RAP1B: variants seen among roughly 807,000 people sequenced by gnomAD.
RAP1B encodes ras-related protein Rap-1b.
RAP1B carries 1 observed loss-of-function variant against 27.5 expected under a neutral mutation model. The observed-to-expected ratio is 0.04, with a 90% CI of 0.01 to 0.17. RAP1B has a LOEUF of 0.17. RAP1B is among the 10% of genes least tolerant of loss of function. The pLI is 1.00. For synonymous variants in RAP1B, 75 were observed against 73.1 expected (o/e 1.03, Z -0.13); for missense variants, 84 against 214.8 (o/e 0.39, Z 3.81).
At chr12:68,639,646 C>T (rs1361861704) in intron 1 of RAP1B, among the ~76,000 whole-genome samples, 1 of 152,076 alleles carries the variant, frequency 6.6e-6, no homozygotes, top group Non-Finnish European at 1.5e-5. Flanking sequence ...ACATATCCTC[C>T]TCTAAAGAGC....
rs564883982 is a variant in RAP1B at position 68,669,912 on chromosome 12, C to CA, written c.*10668dup. On this transcript the variant is annotated 3_prime_UTR_variant, in exon 8 of 8. Transcript: ENST00000250559. ...TCCAGTATATGACGTTTATACGTGACAAAAATATATTTCTTTTTCTTTCTT... is the reference window on the plus strand; with the variant it reads ...TCCAGTATATGACGTTTATACGTGACAAAAAATATATTTCTTTTTCTTTCTT... 6.9e-6 allele frequency: 1 copy of CA among 144,682 alleles called. No individual in the cohort carries two copies. The highest frequency in any genetic ancestry group is 1.5e-5 in the Non-Finnish European group (1 of 66,424). The allele number at this position is 144,682 out of a possible 1,614,324, so 9.0% of individuals were successfully genotyped here.
rs1874827330 is a variant in RAP1B at position 68,665,888 on chromosome 12, C to T, written c.*6639C>T. ...TTTTTTTTTTTGAGAGAGTCTGGCT[C>T]TGTCACCCAGGCTGGTGTGCAGTGG... On this transcript the variant is annotated 3_prime_UTR_variant, in exon 8 of 8. Transcript: ENST00000250559. 3 of 150,120 alleles carry T rather than the reference C, an allele frequency of 2.0e-5. No homozygotes were observed. Among genetic ancestry groups the T allele is most frequent in the Admixed American group, 2.0e-4 (3 of 15,074 alleles). 9.3% of individuals were successfully genotyped at this position (150,120 alleles called of 1,614,324 possible).
intron 4 of RAP1B, among the ~76,000 whole-genome samples, chr12:68,653,066 A>G (rs929521664): frequency 1.3e-5 from 2 of 150,386 alleles, no homozygotes; most frequent in Non-Finnish European, 3.0e-5. Context: ...AAAATTAGCC[A>G]GGTGCAGTGG....
chr12:68,634,997 T>G (rs1257092905), intron 1 of RAP1B, among the ~76,000 whole-genome samples: 1 of 152,176 alleles, frequency 6.6e-6, no homozygotes, highest in Admixed American at 6.5e-5. Context: ...ATCTACAAAT[T>G]TTGCACTTTC....
rs1037180809 is a variant in RAP1B at position 68,665,406 on chromosome 12, A to C, written c.*6157A>C. On this transcript the variant is annotated 3_prime_UTR_variant, in exon 8 of 8. Transcript: ENST00000250559. ...GAGTTACTGACATTGGAGGCAACTG[A>C]AACCATGAGTGTGAATGAAATTATT... is the stretch of plus-strand genomic sequence containing the variant. The C allele has an allele frequency of 6.6e-6, 1 of 152,256 alleles. No homozygotes were observed. The highest frequency in any genetic ancestry group is 2.4e-5 in the African/African-American group (1 of 41,462). The allele number at this position is 152,256 out of a possible 1,614,324, so 9.4% of individuals were successfully genotyped here.
chr12:68,637,599 C>CAAAAAAAAAAAAAAAAAAAAAAA (rs58656248), intron 1 of RAP1B, among the ~76,000 whole-genome samples: 1 of 34,234 alleles, frequency 2.9e-5, no homozygotes, highest in Non-Finnish European at 4.6e-5. Context: ...AACTCCATCT[C>CAAAAAAAAAAAAAAAAAAAAAAA]AAAAAAAAAA....
intron 1 of RAP1B, chr12:68,642,623 A>G (rs1261777892): frequency 7.7e-6 from 8 of 1,034,430 alleles, no homozygotes; most frequent in Non-Finnish European, 1.5e-6. Flanking sequence ...ATCAAATGGA[A>G]TTAAGTTCTT....
chr12:68,657,426 A>G, intron 7 of RAP1B: 1 of 327,768 alleles, frequency 3.1e-6, no homozygotes, highest in South Asian at 5.4e-5. Context: ...TTTTTTTGAG[A>G]TGGAGTTTCA....
chr12:68,622,811 A>G (rs1459702159), intron 1 of RAP1B, among the ~76,000 whole-genome samples: 2 of 152,220 alleles, frequency 1.3e-5, no homozygotes, highest in Non-Finnish European at 2.9e-5. Context: ...TACATAAAGT[A>G]TGTAACGGTT....
chr12:68,650,260 A>C, intron 2 of RAP1B, 140 bp from the exon 3 acceptor site: 2 of 665,682 alleles, frequency 3.0e-6, no homozygotes, highest in Non-Finnish European at 2.3e-6. Flanking sequence ...CCAAATGTAC[A>C]CATTCGAATG....
At chr12:68,613,389 TAAAAAAAAA>T (rs34380580) in intron 1 of RAP1B, among the ~76,000 whole-genome samples, 1 of 123,370 alleles carries the variant, frequency 8.1e-6, no homozygotes, top group Non-Finnish European at 1.7e-5. Flanking sequence ...AGACCTGTCT[TAAAAAAAAA>T]AAAAAAAAAA....
chr12:68,657,038 C>T, intron 6 of RAP1B, 63 bp from the exon 7 acceptor site: 2 of 1,357,784 alleles, frequency 1.5e-6, no homozygotes, highest in Admixed American at 3.9e-5. Flanking sequence ...TTTCAATTTA[C>T]TTTTTTCATT....
At position 68,659,856 on chromosome 12, in the gene RAP1B, A is replaced by G. The variant is rs1874501600; in HGVS notation, c.*607A>G. 6.6e-6 allele frequency: 1 copy of G among 152,366 alleles called. No homozygotes were observed. The highest frequency in any genetic ancestry group is 2.4e-5 in the African/African-American group (1 of 41,328). The allele number at this position is 152,366 out of a possible 1,614,324, so 9.4% of individuals were successfully genotyped here. A position where few individuals can be genotyped will look rare whatever the true frequency, so the allele number is the denominator to read the frequency against. On this transcript the variant is annotated 3_prime_UTR_variant, in exon 8 of 8. Transcript: ENST00000250559. ...TTTAAAACATGATAGTCCTTTCAGT[A>G]TAATGTCTTAGATTAAAGACGTTGC... is the stretch of plus-strand genomic sequence containing the variant.
intron 1 of RAP1B, among the ~76,000 whole-genome samples, chr12:68,619,600 A>G (rs1565656639): frequency 6.6e-6 from 1 of 152,250 alleles, no homozygotes; most frequent in South Asian, 2.1e-4. Context: ...ACCAGTATCC[A>G]GATTTATCTG....
chr12:68,654,146 A>G lies in RAP1B; in HGVS notation c.218A>G (p.Lys73Arg). ...QFTAMRDLYMKNGQGFALVYS... is the reference protein window; with the variant it reads ...QFTAMRDLYMRNGQGFALVYS... ...ACAGCAATGAGGGATTTATACATGA[A>G]AAATGGACAAGGATTTGCATTAGTT... Residue 73 changes from lysine to arginine, a missense_variant, in exon 5 of 8, where the codon AAA (lysine) becomes AGA (arginine). Physicochemically the swap from Lys to Arg is conservative, Grantham distance 26. Transcript: ENST00000250559. The G allele has an allele frequency of 4.4e-6, 7 of 1,599,828 alleles. No homozygotes were observed. The highest frequency in any genetic ancestry group is 6.0e-6 in the Non-Finnish European group (7 of 1,167,390).
Position 68,660,800 on chromosome 12 carries a change from T to A in RAP1B, c.*1551T>A, listed in dbSNP as rs1043532758. The stretch of plus-strand genomic sequence containing the variant: ...TACGAATAAATGCCTTTGGGTAATG[T>A]TCAGTAGCTATTTGATGAGGTAGGT... On this transcript the variant is annotated 3_prime_UTR_variant, in exon 8 of 8. Transcript: ENST00000250559. 8 of 152,232 alleles carry A rather than the reference T, an allele frequency of 5.3e-5. No individual in the cohort carries two copies. The highest frequency in any genetic ancestry group is 1.0e-4 in the Non-Finnish European group (7 of 68,032). 9.4% of individuals were successfully genotyped at this position (152,232 alleles called of 1,614,324 possible).
chr12:68,651,781 A>G, intron 3 of RAP1B: 1 of 512,334 alleles, frequency 2.0e-6, no homozygotes, highest in South Asian at 2.9e-5. Flanking sequence ...ACTTGAGAAC[A>G]CATGGCTTTT....
At chr12:68,612,546 A>C (rs969704322) in intron 1 of RAP1B, among the ~76,000 whole-genome samples, 1 of 152,236 alleles carries the variant, frequency 6.6e-6, no homozygotes, top group Non-Finnish European at 1.5e-5. Context: ...ACAGTAGTCT[A>C]TCCGTAAGAG....
intron 1 of RAP1B, among the ~76,000 whole-genome samples, chr12:68,611,750 T>G (rs1870610796): frequency 6.6e-6 from 1 of 152,172 alleles, no homozygotes; most frequent in Non-Finnish European, 1.5e-5. Context: ...GGCCTTTCCC[T>G]TCGTCAGCAA....
Sources: gnomAD v4.1 joint callset for allele counts (sites outside exome capture counted in the v4.1 genomes callset) on GRCh38, gnomAD v4.1.1 for gene constraint, MANE v1.5 for transcripts, NCBI Gene and HGNC (gene_info 2026-07-23, HGNC 2026-07-21) for gene names.